The following DOP1A variants were observed in gnomAD, a reference collection of about 807,000 sequenced individuals.
The protein encoded by DOP1A is protein DOP1A.
DOP1A carries 90 observed loss-of-function variants against 267.6 expected under a neutral mutation model. The observed-to-expected ratio is 0.34, with a 90% CI of 0.28 to 0.40. The LOEUF (loss-of-function observed/expected upper bound fraction) is 0.40, where lower values mean the gene tolerates loss of function less well. Ranked by LOEUF, DOP1A falls within the 10% of genes least tolerant of loss-of-function variation. The pLI is 1.00. For missense variants in DOP1A, 2,437 were observed against 2,900.4 expected (o/e 0.84, Z 3.67); for synonymous variants, 932 against 999.1 (o/e 0.93, Z 1.27).
At chr6:83,130,883 C>T (rs1303985780) in intron 17 of DOP1A, among the ~76,000 whole-genome samples, 1 of 151,830 alleles carries the variant, frequency 6.6e-6, no homozygotes, top group African/African-American at 2.4e-5. Flanking sequence ...GGATTACAGG[C>T]GTGTGCCACC....
intron 1 of DOP1A, among the ~76,000 whole-genome samples, chr6:83,077,118 T>TG (rs1767239633): frequency 1.3e-5 from 2 of 152,358 alleles, no homozygotes; most frequent in South Asian, 4.1e-4. Context: ...GGTATAGAGT[T>TG]GCAGTTTGCA....
intron 35 of DOP1A, 100 bp from the exon 36 acceptor site, chr6:83,158,467 C>A: frequency 1.1e-6 from 1 of 926,232 alleles, no homozygotes; most frequent in Non-Finnish European, 1.7e-6. Flanking sequence ...AAAATGTATT[C>A]TAAAATTTGT....
At chr6:83,097,312 A>G (rs1771674769) in intron 3 of DOP1A, among the ~76,000 whole-genome samples, 197 bp downstream of exon 3, 1 of 152,228 alleles carries the variant, frequency 6.6e-6, no homozygotes, top group South Asian at 2.1e-4. Flanking sequence ...GTTTTAATTC[A>G]AAGAAATAAC....
intron 1 of DOP1A, among the ~76,000 whole-genome samples, chr6:83,074,901 G>T (rs1766806336): frequency 6.6e-6 from 1 of 152,214 alleles, no homozygotes; most frequent in Admixed American, 6.5e-5. Context: ...TCAACTTACG[G>T]TATTTTCAAC....
At chr6:83,110,942 T>C (rs1391171987) in intron 6 of DOP1A, among the ~76,000 whole-genome samples, 1 of 152,162 alleles carries the variant, frequency 6.6e-6, no homozygotes, top group Admixed American at 6.5e-5. Flanking sequence ...CGTAGAGTCA[T>C]ATAACCACTA....
intron 1 of DOP1A, among the ~76,000 whole-genome samples, chr6:83,075,746 G>T (rs1327379499): frequency 6.6e-6 from 1 of 152,148 alleles, no homozygotes; most frequent in Non-Finnish European, 1.5e-5. Context: ...AGTCAGGAAA[G>T]GATAGCCTCT....
In DOP1A at chr6:83,137,634, G is replaced by C; in HGVS notation, c.3592G>C (p.Asp1198His). ...DPDEETIKIE[D>H]DSIQQSQNAL... ...AGATGAAGAGACGATTAAAATTGAA[G>C]ATGACTCCATTCAACAGAGTCAGAA... Residue 1198 changes from aspartate (D) to histidine (H), a missense_variant, in exon 21 of 39, where the codon GAT becomes CAT. Around this residue, in one of 9 missense-constraint regions of DOP1A, gnomAD observed 878 missense variants for 992.9 expected, o/e 0.88. Coordinates refer to ENST00000349129, the MANE Select transcript of DOP1A (RefSeq NM_015018.4). The C allele has an allele frequency of 6.2e-7, 1 of 1,613,818 alleles. No individual in the cohort carries two copies. Among genetic ancestry groups the C allele is most frequent in the Non-Finnish European group, 8.5e-7 (1 of 1,179,824 alleles).
At chr6:83,108,163 A>G (rs1422745433) in intron 4 of DOP1A, among the ~76,000 whole-genome samples, 1 of 152,128 alleles carries the variant, frequency 6.6e-6, no homozygotes, top group Non-Finnish European at 1.5e-5. Flanking sequence ...TTGATAACTG[A>G]TTGCAGGTTA....
At chr6:83,154,345 CTT>C in intron 33 of DOP1A, 104 bp downstream of exon 33, 1 of 1,049,858 alleles carries the variant, frequency 9.5e-7, no homozygotes, top group Admixed American at 2.0e-5. Context: ...TGAATTAGCT[CTT>C]TGTCAAGTGT....
rs1346443654 is a variant in DOP1A, at chr6:83,162,884, G to A, written c.7057G>A (p.Val2353Ile). ...TCAACGAGAATTTAAACCTTACGTG[G>A]TACGACTAGCAAAACTTCTTCGGAA... ...IHQREFKPYV[V>I]RLAKLLRKRA... The change falls in exon 38 of 39, where the codon GTA (valine) becomes ATA (isoleucine). Residue 2353 changes from valine to isoleucine, a missense_variant. This residue lies in a region of DOP1A where 197 missense variants were observed against 246.5 expected (regional missense o/e 0.80). Transcript: ENST00000349129. 6.2e-7 allele frequency: 1 copy of A among 1,612,946 alleles called. No homozygotes were observed. The highest frequency in any genetic ancestry group is 1.3e-5 in the African/African-American group (1 of 74,992).
At chr6:83,151,153 G>A (rs573718067) in intron 27 of DOP1A, among the ~76,000 whole-genome samples, 39 of 152,210 alleles carry the variant, frequency 2.6e-4, no homozygotes, top group Non-Finnish European at 3.4e-4. Context: ...TGAACATTCT[G>A]CAATTTGTTT....
In DOP1A at chr6:83,167,997, A is replaced by G; in HGVS notation, c.7228A>G (p.Lys2410Glu). Residue 2410 changes from lysine (K) to glutamate (E), a missense_variant, in exon 39 of 39, where the codon AAA (lysine) becomes GAA (glutamate). Lys to Glu is a moderately conservative substitution (Grantham distance 56). Coordinates refer to ENST00000349129, the MANE Select transcript of DOP1A (RefSeq NM_015018.4). ...FNVLSQVFNS[K>E]VTSRCGGHSG... The stretch of plus-strand genomic sequence containing the variant: ...TGTGCTCAGTCAAGTCTTCAACAGC[A>G]AAGTCACAAGCCGATGTGGAGGACA... The G allele has an allele frequency of 6.2e-7, 1 of 1,614,186 alleles. No homozygotes were observed. Among genetic ancestry groups the G allele is most frequent in the Non-Finnish European group, 8.5e-7 (1 of 1,180,038 alleles).
At chr6:83,124,528 T>C (rs1296063851) in intron 12 of DOP1A, among the ~76,000 whole-genome samples, 177 bp from the exon 13 acceptor site, 1 of 152,062 alleles carries the variant, frequency 6.6e-6, no homozygotes. Flanking sequence ...GAATCTTGCT[T>C]TGAGAATTTT....
At chr6:83,153,482 G>A (rs538791766) in intron 30 of DOP1A, 29 bp from the exon 31 acceptor site, 2 of 1,481,082 alleles carry the variant, frequency 1.4e-6, no homozygotes, top group East Asian at 4.7e-5. Flanking sequence ...CACCTCATAT[G>A]TTACTCTTCA....
Position 83,092,675 on chromosome 6 carries a change from T to C in DOP1A, c.-146-4056T>C, listed in dbSNP as rs187663563. 4.6e-4 allele frequency among the ~76,000 whole-genome samples: 70 copies of C among 150,772 alleles called. 1 individual carries two copies. The East Asian group carries it at 0.013, about 28-fold the overall frequency. On this transcript the variant is annotated intron_variant, in intron 1 of 38. Coordinates refer to ENST00000349129, the MANE Select transcript of DOP1A (RefSeq NM_015018.4). ...TTTTTTTTCTATACATATATACCAGTGATAAAGTTTAATTTACAAATTAGG... is the reference window on the plus strand; with the variant it reads ...TTTTTTTTCTATACATATATACCAGCGATAAAGTTTAATTTACAAATTAGG...
Position 83,168,210 on chromosome 6 carries a change from AT to A in DOP1A, c.*46del. ...ATTTAGCTTACATGTAAATGTAATT[AT>A]TTAAAACACACACACTGCTCTGCGT... is the stretch of plus-strand genomic sequence containing the variant. On this transcript the variant is annotated 3_prime_UTR_variant, in exon 39 of 39. Coordinates refer to ENST00000349129, the MANE Select transcript of DOP1A (RefSeq NM_015018.4). The A allele has an allele frequency of 6.4e-7, 1 of 1,569,378 alleles. No individual in the cohort carries two copies. Among genetic ancestry groups the A allele is most frequent in the South Asian group, 1.2e-5 (1 of 82,242 alleles).
chr6:83,070,657 C>T (rs1463181544), intron 1 of DOP1A, among the ~76,000 whole-genome samples: 1 of 152,140 alleles, frequency 6.6e-6, no homozygotes, highest in African/African-American at 2.4e-5. Context: ...TCAAATGCCA[C>T]CCTGTGAACC....
At chr6:83,142,317 G>C (rs1290440674) in intron 24 of DOP1A, among the ~76,000 whole-genome samples, 2 of 151,956 alleles carry the variant, frequency 1.3e-5, no homozygotes, top group Non-Finnish European at 2.9e-5. Context: ...AGACCAGCCT[G>C]GCCAACATAG....
At chr6:83,100,907 T>C in intron 4 of DOP1A, 21 bp downstream of exon 4, 1 of 1,325,590 alleles carries the variant, frequency 7.5e-7, no homozygotes. Flanking sequence ...TTTTACTATA[T>C]ATATACAAAT....
Sources: allele counts gnomAD v4.1 joint callset (sites outside exome capture counted in the v4.1 genomes callset), GRCh38; gene constraint gnomAD v4.1.1; regional missense constraint gnomAD v4.1.1; transcripts MANE v1.5; gene names NCBI Gene and HGNC (gene_info 2026-07-23, HGNC 2026-07-21).